GRIA3: variants seen among roughly 807,000 people sequenced by gnomAD.
GRIA3 encodes the protein glutamate ionotropic receptor AMPA type subunit 3, also known as glutamate receptor 3.
A neutral mutation model predicts 63.0 loss-of-function variants in GRIA3; 3 were observed. The observed-to-expected ratio is 0.05, with a 90% CI of 0.02 to 0.12. GRIA3 has a LOEUF of 0.12. GRIA3 is among the 10% of genes least tolerant of loss of function. GRIA3 has a pLI of 1.00. For missense variants in GRIA3, 347 were observed against 700.9 expected (o/e 0.50, Z 5.70); for synonymous variants, 274 against 257.9 (o/e 1.06, Z -0.60).
At chrX:123,314,012 C>T (rs1603087406) in intron 3 of GRIA3, among the ~76,000 whole-genome samples, 1 of 77,133 alleles carries the variant, frequency 1.3e-5, no homozygotes, top group Admixed American at 1.2e-4. Flanking sequence ...ATAAGTGAAG[C>T]CCCCTTTTAA....
intron 4 of GRIA3, 137 bp downstream of exon 4, chrX:123,326,350 T>A: frequency 1.7e-5 from 8 of 459,451 alleles, no homozygotes; most frequent in South Asian, 1.6e-4. Flanking sequence ...TAATCCTTTT[T>A]TCCTCCCCAG....
At chrX:123,360,881 AC>A (rs2045169755) in intron 5 of GRIA3, among the ~76,000 whole-genome samples, 2 of 103,368 alleles carry the variant, frequency 1.9e-5, no homozygotes, top group African/African-American at 7.1e-5. Context: ...ACACACACAC[AC>A]ACACACACAC....
At chrX:123,353,762 A>C (rs1603108695) in intron 4 of GRIA3, among the ~76,000 whole-genome samples, 1 of 111,476 alleles carries the variant, frequency 9.0e-6, no homozygotes, top group Admixed American at 9.6e-5. Context: ...CATTAGCTTC[A>C]GGCCAGTACA....
At chrX:123,226,917 A>G (rs915475208) in intron 2 of GRIA3, among the ~76,000 whole-genome samples, 1 of 73,466 alleles carries the variant, frequency 1.4e-5, no homozygotes, top group African/African-American at 3.9e-5. Context: ...CCTCTCCCTG[A>G]CCCCCTCCAA....
At chrX:123,311,407 G>C (rs1236144997) in intron 3 of GRIA3, among the ~76,000 whole-genome samples, 1 of 111,572 alleles carries the variant, frequency 9.0e-6, no homozygotes, top group African/African-American at 3.3e-5. Context: ...CAGAATAGCT[G>C]GTACTAATTA....
chrX:123,272,716 CT>C (rs1429535064), intron 3 of GRIA3, among the ~76,000 whole-genome samples: 2 of 111,918 alleles, frequency 1.8e-5, no homozygotes, highest in Non-Finnish European at 3.8e-5. Flanking sequence ...ACAAAGATCC[CT>C]TTTTCCCCCT....
intron 2 of GRIA3, among the ~76,000 whole-genome samples, chrX:123,246,776 G>C (rs778714348): frequency 1.9e-5 from 2 of 107,116 alleles, no homozygotes; most frequent in Non-Finnish European, 3.8e-5. Context: ...TCTTCCATGT[G>C]ATAGACATCA....
At chrX:123,187,202 C>A (rs1927302665) in intron 2 of GRIA3, among the ~76,000 whole-genome samples, 1 of 111,745 alleles carries the variant, frequency 8.9e-6, no homozygotes, top group Non-Finnish European at 1.9e-5. Context: ...TGCATGGTTT[C>A]CAGAAACCAC....
intron 3 of GRIA3, among the ~76,000 whole-genome samples, chrX:123,258,171 A>G (rs1010735497): frequency 3.6e-5 from 4 of 112,124 alleles, no homozygotes; most frequent in Non-Finnish European, 7.5e-5. Context: ...TCTCTGTCTC[A>G]ACCTGCTTCT....
rs73630704 is a variant in GRIA3 at position 123,303,549 on chromosome X, T to C, written c.509-22477T>C. ...TTAAAAAGTTCATCTCTTTCTCTGA[T>C]GTTTCATCTATGTTTCATGTTTTGC... On this transcript the variant is annotated intron_variant, in intron 3 of 15. Transcript: ENST00000620443. Among the ~76,000 whole-genome samples, 684 of 111,185 alleles carry C rather than the reference T, an allele frequency of 6.2e-3. 4 individuals are homozygous for C. Among genetic ancestry groups the C allele is most frequent in the African/African-American group, 0.02 (613 of 30,659 alleles).
At chrX:123,313,577 A>G (rs1199065343) in intron 3 of GRIA3, among the ~76,000 whole-genome samples, 1 of 110,900 alleles carries the variant, frequency 9.0e-6, no homozygotes, top group Non-Finnish European at 1.9e-5. Flanking sequence ...ACTGGTAACC[A>G]TCATTCATAC....
At position 123,464,858 on chromosome X, in the gene GRIA3, G is replaced by C; in HGVS notation, c.2077-7G>C. On this transcript the variant is annotated splice_region_variant and splice_polypyrimidine_tract_variant and intron_variant, in intron 12 of 15. Transcript: ENST00000620443. ...CAGCTCTAAGAATTCTTATCTCTTT[G>C]GTGCAGAGATCCAAAATTGCTGTGT... 8.3e-7 allele frequency: 1 copy of C among 1,202,905 alleles called. No homozygotes were observed. Among genetic ancestry groups the C allele is most frequent in the Non-Finnish European group, 1.1e-6 (1 of 888,411 alleles).
At chrX:123,290,849 T>C (rs1358386733) in intron 3 of GRIA3, among the ~76,000 whole-genome samples, 2 of 110,982 alleles carry the variant, frequency 1.8e-5, no homozygotes, top group African/African-American at 3.3e-5. Flanking sequence ...CCAGACCTTT[T>C]GAAGGTGGCC....
At chrX:123,244,636 G>A (rs1341488449) in intron 2 of GRIA3, among the ~76,000 whole-genome samples, 1 of 112,570 alleles carries the variant, frequency 8.9e-6, no homozygotes, top group Non-Finnish European at 1.9e-5. Context: ...TGGGAGATGA[G>A]CTATGTTGCC....
intron 4 of GRIA3, among the ~76,000 whole-genome samples, chrX:123,344,884 G>C (rs1448450663): frequency 9.0e-6 from 1 of 111,489 alleles, no homozygotes; most frequent in Non-Finnish European, 1.9e-5. Flanking sequence ...TTATCAGATG[G>C]AAAGGTGGTT....
chrX:123,184,397 G>T lies in GRIA3; in HGVS notation c.-139G>T. ...GCGGAGGAGGAGGAGGACTAGTGTG[G>T]GGTGGAAAGGAAGAGTGAGCGAGAG... On this transcript the variant is annotated 5_prime_UTR_variant, in exon 1 of 16. Transcript: ENST00000620443. 1 of 544,083 alleles carries T rather than the reference G, an allele frequency of 1.8e-6. No homozygotes were observed. The highest frequency in any genetic ancestry group is 3.4e-5 in the East Asian group (1 of 29,143). 44.8% of individuals were successfully genotyped at this position (544,083 alleles called of 1,213,427 possible). A position where few individuals can be genotyped will look rare whatever the true frequency, so the allele number is the denominator to read the frequency against.
chrX:123,435,173 C>T (rs147389277), intron 12 of GRIA3, among the ~76,000 whole-genome samples: 1 of 112,103 alleles, frequency 8.9e-6, no homozygotes, highest in Non-Finnish European at 1.9e-5. Context: ...TATGGAGCTA[C>T]TTCCCAGCAT....
intron 3 of GRIA3, among the ~76,000 whole-genome samples, chrX:123,294,490 G>A (rs1374962128): frequency 9.0e-6 from 1 of 111,305 alleles, no homozygotes; most frequent in Non-Finnish European, 1.9e-5. Flanking sequence ...ACATTTGTTT[G>A]GAGTCTCCTG....
At chrX:123,390,043 A>G (rs1266051770) in intron 5 of GRIA3, among the ~76,000 whole-genome samples, 1 of 111,882 alleles carries the variant, frequency 8.9e-6, no homozygotes, top group Non-Finnish European at 1.9e-5. Flanking sequence ...TAATCTATTT[A>G]TATTCAAAGT....
Sources: allele counts gnomAD v4.1 joint callset (sites outside exome capture counted in the v4.1 genomes callset), GRCh38; gene constraint gnomAD v4.1.1; transcripts MANE v1.5; gene names NCBI Gene and HGNC (gene_info 2026-07-23, HGNC 2026-07-21).